Variants in ASTN2 observed in about 807,000 individuals in gnomAD.
ASTN2 encodes the protein astrotactin 2.
ASTN2 carries 54 observed loss-of-function variants against 139.8 expected under a neutral mutation model. The observed-to-expected ratio is 0.39, with a 90% CI of 0.31 to 0.48. The LOEUF is 0.48. Ranked by LOEUF, ASTN2 falls within the 20% of genes least tolerant of loss-of-function variation. The pLI, the probability that ASTN2 is intolerant of heterozygous loss-of-function variation, is 0.95. For missense variants in ASTN2, 1,565 were observed against 1,725.1 expected, an observed-to-expected ratio of 0.91 and a Z score of 1.64; for synonymous variants, 756 against 719.5, an observed-to-expected ratio of 1.05 and a Z score of -0.81.
In ASTN2 at chr9:116,874,661, G is replaced by A. The variant is rs143985521; in HGVS notation, c.1890-10928C>T. Among the ~76,000 whole-genome samples the A allele has an allele frequency of 9.1e-3, 1,393 of 152,254 alleles. 11 individuals carry two copies. The highest frequency in any genetic ancestry group is 0.034 in the South Asian group (166 of 4,816). On this transcript the variant is annotated intron_variant, in intron 10 of 22. Transcript: ENST00000313400. Reference sequence around the variant, plus strand: ...CCTCAATAAAGAGCTGTTGTGTTTTGGAAATGAGTTTGTGCATTTCACAGA... The same window carrying A: ...CCTCAATAAAGAGCTGTTGTGTTTTAGAAATGAGTTTGTGCATTTCACAGA...
In ASTN2 at chr9:117,030,975, G is replaced by A. The variant is rs184280714; in HGVS notation, c.1423+8844C>T. ...TCTCACGTATAGTTATTAAGTCTGG[G>A]TTGGAGTTCAAGCTATTCTCCCTGA... On this transcript the variant is annotated intron_variant, in intron 6 of 22. Coordinates refer to ENST00000313400, the MANE Select transcript of ASTN2 (RefSeq NM_001365068.1). Among the ~76,000 whole-genome samples the A allele has an allele frequency of 3.5e-4, 54 of 152,228 alleles. 1 individual carries two copies. The South Asian group carries it at 8.7e-3, about 25-fold the overall frequency.
intron 20 of ASTN2, among the ~76,000 whole-genome samples, chr9:116,477,372 C>T (rs750962571): frequency 1.1e-4 from 17 of 151,952 alleles, no homozygotes; most frequent in Admixed American, 2.0e-4. Flanking sequence ...GCCGTACTTG[C>T]CCCCATCCCC....
At chr9:116,998,771 T>C (rs1442719294) in intron 7 of ASTN2, among the ~76,000 whole-genome samples, 1 of 152,202 alleles carries the variant, frequency 6.6e-6, no homozygotes, top group African/African-American at 2.4e-5. Flanking sequence ...CATATCTTAC[T>C]GTGGATTTTA....
rs1024300866 is a variant in ASTN2 at position 117,141,468 on chromosome 9, C to T, written c.1026G>A (p.Glu342=). The T allele has an allele frequency of 4.4e-6, 6 of 1,367,104 alleles. No homozygotes were observed. Among genetic ancestry groups the T allele is most frequent in the Non-Finnish European group, 5.9e-6 (6 of 1,021,808 alleles). The allele number at this position is 1,367,104 out of a possible 1,614,324, so 84.7% of individuals were successfully genotyped here. A position where few individuals can be genotyped will look rare whatever the true frequency, so the allele number is the denominator to read the frequency against. ...KVDFEKKAAA[E]ATQETVESLM... is the part of the protein sequence containing the mutation. ...GGGACTCCACTGTCTCCTGAGTCGC[C>T]TCAGCTGCTGCTATAAGGTAGCAAT... Residue 342 remains glutamate (E), a synonymous_variant, in exon 4 of 23, where the codon GAG becomes GAA. Transcript: ENST00000313400.
At chr9:116,827,790 C>G (rs536816634) in intron 11 of ASTN2, among the ~76,000 whole-genome samples, 3 of 152,122 alleles carry the variant, frequency 2.0e-5, no homozygotes, top group Non-Finnish European at 2.9e-5. Context: ...GATGAATTCA[C>G]AGCTGACTTC....
intron 10 of ASTN2, among the ~76,000 whole-genome samples, chr9:116,917,356 G>A (rs1164835724): frequency 1.3e-5 from 2 of 151,714 alleles, no homozygotes; most frequent in Non-Finnish European, 2.9e-5. Flanking sequence ...TAGACCATAA[G>A]CTCTAAGAGG....
chr9:117,139,385 A>C (rs1830022136), intron 4 of ASTN2, among the ~76,000 whole-genome samples: 1 of 152,226 alleles, frequency 6.6e-6, no homozygotes, highest in African/African-American at 2.4e-5. Flanking sequence ...TTCCAAAGTC[A>C]TGCAAGTTAA....
At chr9:117,163,036 A>ACTTCCTTTC (rs1830587957) in intron 3 of ASTN2, among the ~76,000 whole-genome samples, 1 of 152,060 alleles carries the variant, frequency 6.6e-6, no homozygotes, top group East Asian at 1.9e-4. Context: ...GGTTATGAAA[A>ACTTCCTTTC]TGCCAGTCAA....
chr9:116,522,137 G>A (rs149405487), intron 19 of ASTN2, among the ~76,000 whole-genome samples: 23 of 152,196 alleles, frequency 1.5e-4, no homozygotes, highest in Non-Finnish European at 3.1e-4. Context: ...TAGATCTACT[G>A]TTTGATCCAG....
intron 3 of ASTN2, among the ~76,000 whole-genome samples, chr9:117,192,850 G>C (rs1011626498): frequency 1.3e-5 from 2 of 152,176 alleles, no homozygotes; most frequent in Admixed American, 1.3e-4. Flanking sequence ...CTCAGAGCTG[G>C]AACAAGGTTC....
At chr9:117,208,529 T>G (rs1832013691) in intron 3 of ASTN2, among the ~76,000 whole-genome samples, 1 of 151,918 alleles carries the variant, frequency 6.6e-6, no homozygotes, top group African/African-American at 2.4e-5. Context: ...ATATTCATAT[T>G]AGGGGTGTTT....
chr9:116,467,299 G>C (rs1302262869), intron 20 of ASTN2, among the ~76,000 whole-genome samples: 1 of 151,824 alleles, frequency 6.6e-6, no homozygotes. Flanking sequence ...ACAGAGTCTC[G>C]CTCTGTCACC....
chr9:117,010,103 C>T (rs1036369370), intron 6 of ASTN2, among the ~76,000 whole-genome samples: 2 of 152,076 alleles, frequency 1.3e-5, no homozygotes, highest in African/African-American at 2.4e-5. Flanking sequence ...GAGGAATAGA[C>T]AGTATCAGGA....
intron 11 of ASTN2, among the ~76,000 whole-genome samples, chr9:116,828,300 C>CAAA (rs34187222): frequency 0.08 from 10,515 of 131,924 alleles, 676 homozygotes; most frequent in Middle Eastern, 0.21. Flanking sequence ...GACTCCGTCT[C>CAAA]AAAAAAAAAA....
At chr9:117,102,573 G>T (rs1229567288) in intron 4 of ASTN2, among the ~76,000 whole-genome samples, 1 of 152,002 alleles carries the variant, frequency 6.6e-6, no homozygotes, top group East Asian at 1.9e-4. Flanking sequence ...CCCAGGCTGG[G>T]GTACAGTGGC....
At chr9:116,788,379 G>T (rs1192102850) in intron 13 of ASTN2, among the ~76,000 whole-genome samples, 3 of 152,130 alleles carry the variant, frequency 2.0e-5, no homozygotes, top group African/African-American at 7.2e-5. Flanking sequence ...TTATTAGCTT[G>T]ATTTAATCAT....
chr9:117,366,762 G>A (rs747311120), intron 1 of ASTN2, among the ~76,000 whole-genome samples: 8 of 151,948 alleles, frequency 5.3e-5, no homozygotes, highest in Non-Finnish European at 1.0e-4. Context: ...ACCACAAATA[G>A]CGTCTACTTC....
intron 2 of ASTN2, among the ~76,000 whole-genome samples, chr9:117,262,583 T>G (rs897310946): frequency 2.6e-5 from 4 of 152,108 alleles, no homozygotes; most frequent in African/African-American, 9.7e-5. Context: ...GTTGGCCAAC[T>G]GGAGCATTGC....
intron 5 of ASTN2, among the ~76,000 whole-genome samples, chr9:117,088,645 A>C (rs1164765468): frequency 6.6e-6 from 1 of 152,232 alleles, no homozygotes; most frequent in Non-Finnish European, 1.5e-5. Context: ...AAATTAAAAC[A>C]AGCAACAAAA....
Sources: allele counts gnomAD v4.1 joint callset (sites outside exome capture counted in the v4.1 genomes callset), GRCh38; gene constraint gnomAD v4.1.1; transcripts MANE v1.5; gene names NCBI Gene and HGNC (gene_info 2026-07-23, HGNC 2026-07-21).